FOXJ2: variants seen among roughly 807,000 people sequenced by gnomAD.
The protein encoded by FOXJ2 is forkhead box J2.
Under a neutral mutation model 68.4 loss-of-function variants are expected in FOXJ2, and 18 were observed. The observed-to-expected ratio is 0.26, with a 90% CI of 0.18 to 0.39. The LOEUF (loss-of-function observed/expected upper bound fraction) is 0.39, where lower values mean the gene tolerates loss of function less well. Ranked by LOEUF, FOXJ2 falls within the 10% of genes least tolerant of loss-of-function variation. The pLI is 1.00. For missense variants in FOXJ2, 670 were observed against 726.5 expected (o/e 0.92, Z 0.89); for synonymous variants, 274 against 263.2 (o/e 1.04, Z -0.40).
chr12:8,047,981 A>C lies in FOXJ2; in HGVS notation c.917A>C (p.Gln306Pro), dbSNP rs745407957. ...CCTCAACAGCAGCAGCAGCAGCAGC[A>C]GCCGCCACAGCCACCTCCCCAGCAG... ...PPPQQQQQQQQPPQPPPQQSQ... is the reference protein window; with the variant it reads ...PPPQQQQQQQPPPQPPPQQSQ... The change falls in exon 7 of 11, where the codon CAG (glutamine) becomes CCG (proline). Residue 306 changes from glutamine to proline, a missense_variant. Physicochemically the swap from Gln to Pro is moderately conservative, Grantham distance 76. Transcript: ENST00000162391. 5.0e-6 allele frequency: 8 copies of C among 1,612,148 alleles called. No individual in the cohort carries two copies. Among genetic ancestry groups the C allele is most frequent in the South Asian group, 2.2e-5 (2 of 90,980 alleles).
chr12:8,044,945 C>A lies in FOXJ2; in HGVS notation c.804C>A (p.Ser268=). The A allele has an allele frequency of 6.2e-7, 1 of 1,614,210 alleles. No homozygotes were observed. ...LYKSMLEKSS[S]SSQHGFSSLL... is the part of the protein sequence containing the mutation. ...AGTCCATGCTGGAGAAGTCCTCTTC[C>A]TCCTCTCAGCACGGTGAGTCTGGAG... The change falls in exon 6 of 11, where the codon TCC becomes TCA. Residue 268 remains serine (S), a synonymous_variant. Transcript: ENST00000162391.
intron 6 of FOXJ2, among the ~76,000 whole-genome samples, chr12:8,047,496 C>A (rs1947054313): frequency 6.6e-6 from 1 of 151,746 alleles, no homozygotes; most frequent in African/African-American, 2.4e-5. Context: ...CAACTGATGG[C>A]TTTGTTTTGT....
chr12:8,044,253 G>A (rs1165704891), intron 5 of FOXJ2, among the ~76,000 whole-genome samples, 162 bp downstream of exon 5: 1 of 152,166 alleles, frequency 6.6e-6, no homozygotes, highest in East Asian at 1.9e-4. Flanking sequence ...GAGAGAAATA[G>A]AAAGGCATAG....
intron 6 of FOXJ2, among the ~76,000 whole-genome samples, chr12:8,046,144 G>A (rs1302274332): frequency 6.6e-6 from 1 of 152,200 alleles, no homozygotes; most frequent in African/African-American, 2.4e-5. Context: ...ACTAAGGGCA[G>A]TGATTTTAGG....
In FOXJ2 at chr12:8,038,689, C is replaced by T. The variant is rs144334473; in HGVS notation, c.-14-1130C>T. On this transcript the variant is annotated intron_variant, in intron 1 of 10. Coordinates refer to ENST00000162391, the MANE Select transcript of FOXJ2 (RefSeq NM_018416.3). This position sits in a 1 kb window ranked among gnomAD's most constrained non-coding sequence, Gnocchi z 5.3. ...ACCCTGCAATACAGATATCACCCAT[C>T]GTTCTTCACCTTCCCTCGCAAGATG... Among the ~76,000 whole-genome samples the T allele has an allele frequency of 8.5e-5, 13 of 152,310 alleles. No homozygotes were observed. In the East Asian group the frequency reaches 1.9e-3, roughly 23 times the overall value.
At chr12:8,051,846 A>G (rs1652010397) in intron 10 of FOXJ2, among the ~76,000 whole-genome samples, 1 of 152,038 alleles carries the variant, frequency 6.6e-6, no homozygotes, top group Non-Finnish European at 1.5e-5. Flanking sequence ...CTATACTGCT[A>G]TTTCATGTGA....
Position 8,050,842 on chromosome 12 carries a change from T to TTCCCTTCCCCTTCCC in FOXJ2, c.1636+223_1636+224insCCCTTCCCCTTCCCT, listed in dbSNP as rs1565631404. On this transcript the variant is annotated intron_variant, in intron 10 of 10. Transcript: ENST00000162391. ...CCTCCCCTCCCTTCCCCTCCCTTCC[T>TTCCCTTCCCCTTCCC]TTCCCTTCCCCTTCCCTTCCCTTCC... Among the ~76,000 whole-genome samples, 4 of 76,640 alleles carry TTCCCTTCCCCTTCCC rather than the reference T, an allele frequency of 5.2e-5. No individual in the cohort carries two copies. The South Asian group carries it at 1.7e-3, about 32-fold the overall frequency. 50.3% of individuals were successfully genotyped at this position (76,640 alleles called of 152,430 possible). A position where few individuals can be genotyped will look rare whatever the true frequency, so the allele number is the denominator to read the frequency against.
intron 5 of FOXJ2, among the ~76,000 whole-genome samples, 182 bp from the exon 6 acceptor site, chr12:8,044,578 T>C (rs1342471138): frequency 6.6e-6 from 1 of 151,772 alleles, no homozygotes; most frequent in Non-Finnish European, 1.5e-5. Flanking sequence ...TGGAGACTGA[T>C]GAGAGAAAGA....
chr12:8,050,166 G>T, intron 9 of FOXJ2: 1 of 242,338 alleles, frequency 4.1e-6, no homozygotes. Flanking sequence ...TGTATAGCTG[G>T]GGTTTCACCG....
At chr12:8,045,162 A>C (rs995770438) in intron 6 of FOXJ2, among the ~76,000 whole-genome samples, 1 of 148,038 alleles carries the variant, frequency 6.8e-6, no homozygotes, top group African/African-American at 2.5e-5. Context: ...TGTCATCTCA[A>C]CTTCTCGAGT....
chr12:8,040,424 C>G lies in FOXJ2; in HGVS notation c.333+259C>G, dbSNP rs1946950034. Among the ~76,000 whole-genome samples, 1 of 151,320 alleles carries G rather than the reference C, an allele frequency of 6.6e-6. No individual in the cohort carries two copies. The highest frequency in any genetic ancestry group is 2.1e-4 in the South Asian group (1 of 4,800). On this transcript the variant is annotated intron_variant, in intron 2 of 10. Coordinates refer to ENST00000162391, the MANE Select transcript of FOXJ2 (RefSeq NM_018416.3). This position sits in a 1 kb window ranked among gnomAD's most constrained non-coding sequence, Gnocchi z 4.0. ...GCTGTTGCTCATCACACCCTCTTAT[C>G]TTCTTTTTTTTTTTTGAGACAGAGT...
Position 8,048,152 on chromosome 12 carries a change from T to C in FOXJ2, c.1088T>C (p.Met363Thr). The C allele has an allele frequency of 6.2e-7, 1 of 1,613,868 alleles. No individual in the cohort carries two copies. Among genetic ancestry groups the C allele is most frequent in the Non-Finnish European group, 8.5e-7 (1 of 1,179,904 alleles). The change falls in exon 7 of 11, where the codon ATG becomes ACG. Residue 363 changes from methionine to threonine, a missense_variant. Coordinates refer to ENST00000162391, the MANE Select transcript of FOXJ2 (RefSeq NM_018416.3). ...GAAGGCTATGGGCCTCCCCCTGTAATGGCCATGCATCCACCCCCGCTGCAG... is the reference window on the plus strand; with the variant it reads ...GAAGGCTATGGGCCTCCCCCTGTAACGGCCATGCATCCACCCCCGCTGCAG... The part of the protein sequence containing the change: ...GAEGYGPPPV[M>T]AMHPPPLQHG...
At chr12:8,048,846 A>G in intron 8 of FOXJ2, 48 bp downstream of exon 8, 1 of 1,509,536 alleles carries the variant, frequency 6.6e-7, no homozygotes, top group South Asian at 1.1e-5. Context: ...TGTAAGGGAA[A>G]ACCCAGTAGA....
chr12:8,040,257 T>G lies in FOXJ2; in HGVS notation c.333+92T>G. On this transcript the variant is annotated intron_variant, in intron 2 of 10. Transcript: ENST00000162391. The surrounding 1 kb of genome is among the most constrained non-coding windows in gnomAD (Gnocchi z 4.0). ...TGTTTCTTCTTGTAACCTGTTCAGT[T>G]TACTCTGGTTTGTCTCAGAGATGTG... 1 of 1,299,576 alleles carries G rather than the reference T, an allele frequency of 7.7e-7. No individual in the cohort carries two copies. The highest frequency in any genetic ancestry group is 1.1e-6 in the Non-Finnish European group (1 of 941,048). The allele number at this position is 1,299,576 out of a possible 1,614,324, so 80.5% of individuals were successfully genotyped here. A position where few individuals can be genotyped will look rare whatever the true frequency, so the allele number is the denominator to read the frequency against.
rs1947051392 is a variant in FOXJ2 at position 8,047,356 on chromosome 12, GGA to G, written c.818-523_818-522del. ...CTCAGCTACTCGGGAGGCTGAGGCA[GGA>G]GAATTGCTTGAACCTGGGAGGCGGA... On this transcript the variant is annotated intron_variant, in intron 6 of 10. Coordinates refer to ENST00000162391, the MANE Select transcript of FOXJ2 (RefSeq NM_018416.3). 2.6e-5 allele frequency among the ~76,000 whole-genome samples: 4 copies of G among 152,234 alleles called. No individual in the cohort carries two copies. The South Asian group carries it at 6.2e-4, about 24-fold the overall frequency.
intron 1 of FOXJ2, among the ~76,000 whole-genome samples, chr12:8,036,764 CTT>C (rs1468714942): frequency 2.0e-5 from 3 of 152,176 alleles, no homozygotes; most frequent in Non-Finnish European, 2.9e-5. Flanking sequence ...GGGTTCATCT[CTT>C]TTATGGAAGG....
At position 8,033,057 on chromosome 12, in the gene FOXJ2, A is replaced by G. The variant is rs1018908901; in HGVS notation, c.-791A>G. On this transcript the variant is annotated 5_prime_UTR_variant, in exon 1 of 11. Transcript: ENST00000162391. ...CCCCTGTTGGAGAGAAAAGACCCTT[A>G]CCACTCGGGTGAGGGAAAGAAGAGA... The G allele has an allele frequency of 1.0e-5, 4 of 392,062 alleles. No homozygotes were observed. Among genetic ancestry groups the G allele is most frequent in the Non-Finnish European group, 1.8e-5 (4 of 222,540 alleles). The allele number at this position is 392,062 out of a possible 1,614,324, so 24.3% of individuals were successfully genotyped here.
chr12:8,041,943 T>C (rs1946971858), intron 2 of FOXJ2, among the ~76,000 whole-genome samples: 1 of 151,612 alleles, frequency 6.6e-6, no homozygotes. Flanking sequence ...AGTGGCATGA[T>C]CTGGGCTCAC....
intron 9 of FOXJ2, chr12:8,050,217 C>A: frequency 3.5e-6 from 2 of 570,244 alleles, no homozygotes; most frequent in Non-Finnish European, 4.8e-6. Flanking sequence ...CTCAAGGGAT[C>A]TACCCACCTC....
Sources: gnomAD v4.1 joint callset for allele counts (sites outside exome capture counted in the v4.1 genomes callset) on GRCh38, gnomAD v4.1.1 for gene constraint, Gnocchi (gnomAD v3.1) non-coding constraint, MANE v1.5 for transcripts, NCBI Gene and HGNC (gene_info 2026-07-23, HGNC 2026-07-21) for gene names.